The following STX1B variants were observed in gnomAD, a reference collection of about 807,000 sequenced individuals.
STX1B encodes syntaxin 1B, also known as syntaxin-1B.
STX1B carries 7 observed loss-of-function variants against 39.4 expected under a neutral mutation model. That is an observed-to-expected ratio of 0.18 (90% CI 0.10 to 0.33). The LOEUF (loss-of-function observed/expected upper bound fraction) is 0.33. Among genes scored for constraint, STX1B ranks in the 10% least tolerant of loss-of-function variants. The probability of loss-of-function intolerance (pLI) is 1.00; values close to 1 mark genes in which losing one functional copy is unlikely to be tolerated. For synonymous variants in STX1B, 136 were observed against 144.1 expected (o/e 0.94, Z 0.40); for missense variants, 198 against 383.2 (o/e 0.52, Z 4.04).
chr16:31,010,247 G>A lies in STX1B; in HGVS notation c.30+120C>T, dbSNP rs1433944612. 9 of 763,806 alleles carry A rather than the reference G, an allele frequency of 1.2e-5. No homozygotes were observed. In the African/African-American group the frequency reaches 1.5e-4, roughly 12 times the overall value. 47.3% of individuals were successfully genotyped at this position (763,806 alleles called of 1,614,324 possible). A position where few individuals can be genotyped will look rare whatever the true frequency, so the allele number is the denominator to read the frequency against. ...GCGCCTGAAGATACTGGGGTGCTCCGGCTACCAACCTCCGATCTCATCCTT... is the reference window on the plus strand; with the variant it reads ...GCGCCTGAAGATACTGGGGTGCTCCAGCTACCAACCTCCGATCTCATCCTT... On this transcript the variant is annotated intron_variant, in intron 1 of 9. Transcript: ENST00000215095.
intron 1 of STX1B, among the ~76,000 whole-genome samples, chr16:31,007,185 G>A (rs866037948): frequency 7.9e-5 from 12 of 152,108 alleles, no homozygotes; most frequent in Admixed American, 1.3e-4. Flanking sequence ...CCCAGGGTTC[G>A]TTGGTCTCTG....
At chr16:31,009,570 G>C (rs2056670762) in intron 1 of STX1B, among the ~76,000 whole-genome samples, 1 of 151,882 alleles carries the variant, frequency 6.6e-6, no homozygotes, top group Non-Finnish European at 1.5e-5. Flanking sequence ...AGTTCCTCCA[G>C]GTAGCAGCCT....
rs2056551263 is a variant in STX1B at position 30,990,764 on chromosome 16, A to G, written c.*2057T>C. 6.6e-6 allele frequency: 1 copy of G among 152,248 alleles called. No individual in the cohort carries two copies. Among genetic ancestry groups the G allele is most frequent in the Non-Finnish European group, 1.5e-5 (1 of 68,074 alleles). 9.4% of individuals were successfully genotyped at this position (152,248 alleles called of 1,614,324 possible). ...ACCACCTACCTGCCACCAAACCCACAAATTGTGCCTGTGCTGGCTACACAA... is the reference window on the plus strand; with the variant it reads ...ACCACCTACCTGCCACCAAACCCACGAATTGTGCCTGTGCTGGCTACACAA... On this transcript the variant is annotated 3_prime_UTR_variant, in exon 10 of 10. Coordinates refer to ENST00000215095, the MANE Select transcript of STX1B (RefSeq NM_052874.5).
At chr16:30,997,080 C>T in intron 5 of STX1B, 21 bp from the exon 6 acceptor site, 1 of 1,540,802 alleles carries the variant, frequency 6.5e-7, no homozygotes, top group Non-Finnish European at 9.0e-7. Context: ...GGTGGGGGGA[C>T]AGACGGATCA....
At chr16:31,006,981 C>G (rs1335107454) in intron 1 of STX1B, among the ~76,000 whole-genome samples, 1 of 152,058 alleles carries the variant, frequency 6.6e-6, no homozygotes, top group Non-Finnish European at 1.5e-5. Context: ...CATGGTGGTG[C>G]GCATCTGTAA....
At chr16:30,998,768 A>G (rs938283778) in intron 4 of STX1B, among the ~76,000 whole-genome samples, 1 of 152,280 alleles carries the variant, frequency 6.6e-6, no homozygotes, top group Admixed American at 6.5e-5. Flanking sequence ...TTCTTGGTCT[A>G]TTCCTGAACC....
chr16:30,992,775 C>T lies in STX1B; in HGVS notation c.*46G>A, dbSNP rs754338052. 39 of 1,128,422 alleles carry T rather than the reference C, an allele frequency of 3.5e-5. No homozygotes were observed. In the Admixed American group the frequency reaches 4.1e-4, roughly 12 times the overall value. The allele number at this position is 1,128,422 out of a possible 1,614,324, so 69.9% of individuals were successfully genotyped here. Reference sequence around the variant, plus strand: ...AAAGGGGTGGTGGGGGTATTGCTCCCGATGTGGTGGGGGAAGGGTCTGGGA... The same window carrying T: ...AAAGGGGTGGTGGGGGTATTGCTCCTGATGTGGTGGGGGAAGGGTCTGGGA... On this transcript the variant is annotated 3_prime_UTR_variant, in exon 10 of 10. Transcript: ENST00000215095.
rs1326414135 is a variant in STX1B at position 30,992,760 on chromosome 16, T to TG, written c.*60dup. The TG allele has an allele frequency of 1.9e-5, 13 of 671,086 alleles. No individual in the cohort carries two copies. The highest frequency in any genetic ancestry group is 4.6e-4 in the Middle Eastern group (1 of 2,178). The allele number at this position is 671,086 out of a possible 1,614,324, so 41.6% of individuals were successfully genotyped here. A position where few individuals can be genotyped will look rare whatever the true frequency, so the allele number is the denominator to read the frequency against. On this transcript the variant is annotated 3_prime_UTR_variant, in exon 10 of 10. Coordinates refer to ENST00000215095, the MANE Select transcript of STX1B (RefSeq NM_052874.5). The stretch of plus-strand genomic sequence containing the variant: ...GCAGGGGATGGAGTGAAAGGGGTGG[T>TG]GGGGGTATTGCTCCCGATGTGGTGG...
rs1221611483 is a variant in STX1B at position 30,990,140 on chromosome 16, G to C, written c.*2681C>G. 1 of 152,264 alleles carries C rather than the reference G, an allele frequency of 6.6e-6. No individual in the cohort carries two copies. Among genetic ancestry groups the C allele is most frequent in the Non-Finnish European group, 1.5e-5 (1 of 68,092 alleles). The allele number at this position is 152,264 out of a possible 1,614,324, so 9.4% of individuals were successfully genotyped here. On this transcript the variant is annotated 3_prime_UTR_variant, in exon 10 of 10. Transcript: ENST00000215095. The stretch of plus-strand genomic sequence containing the variant: ...GGGCCCAATGCCACTCCAGGTGGGG[G>C]GAGTGGTGCCCCAGCCACGCTTCAA...
chr16:31,001,529 C>G lies in STX1B; in HGVS notation c.105G>C (p.Gln35His). 3.1e-6 allele frequency: 5 copies of G among 1,609,486 alleles called. No homozygotes were observed. Among genetic ancestry groups the G allele is most frequent in the Non-Finnish European group, 4.2e-6 (5 of 1,178,436 alleles). Reference protein sequence around the residue: ...RDHFMDEFFEQVEEIRGCIEK... With the variant: ...RDHFMDEFFEHVEEIRGCIEK... The stretch of plus-strand genomic sequence containing the variant: ...GCTGGGGGCCTTGGAGGCCCATTAC[C>G]TGTTCAAAGAACTCATCCATGAAGT... The change falls in exon 2 of 10, where the codon CAG becomes CAC. Residue 35 changes from glutamine to histidine, a missense_variant and splice_region_variant. Physicochemically the swap from Gln to His is conservative, Grantham distance 24. Transcript: ENST00000215095. This position sits in a 1 kb window ranked among gnomAD's most constrained non-coding sequence, Gnocchi z 5.5.
At chr16:31,010,172 C>T (rs2056673701) in intron 1 of STX1B, among the ~76,000 whole-genome samples, 195 bp downstream of exon 1, 1 of 152,122 alleles carries the variant, frequency 6.6e-6, no homozygotes, top group Admixed American at 6.5e-5. Flanking sequence ...TGGCCTCCAA[C>T]CCCTTCCAGG....
At chr16:30,996,865 G>A (rs2056595290) in intron 6 of STX1B, 86 bp downstream of exon 6, 1 of 1,570,816 alleles carries the variant, frequency 6.4e-7, no homozygotes, top group Non-Finnish European at 8.7e-7. Flanking sequence ...CCTTAAGCCA[G>A]GGGCCCCCTC....
chr16:31,002,393 C>G (rs1264718778), intron 1 of STX1B, among the ~76,000 whole-genome samples: 4 of 152,194 alleles, frequency 2.6e-5, no homozygotes, highest in African/African-American at 9.7e-5. Flanking sequence ...AGACTCGAGA[C>G]ACAGACAGAA....
Position 30,992,367 on chromosome 16 carries a change from T to C in STX1B, c.*454A>G, listed in dbSNP as rs936489960. 3.2e-5 allele frequency: 5 copies of C among 158,516 alleles called. No individual in the cohort carries two copies. The highest frequency in any genetic ancestry group is 5.5e-5 in the Non-Finnish European group (4 of 72,750). 9.8% of individuals were successfully genotyped at this position (158,516 alleles called of 1,614,324 possible). On this transcript the variant is annotated 3_prime_UTR_variant, in exon 10 of 10. Coordinates refer to ENST00000215095, the MANE Select transcript of STX1B (RefSeq NM_052874.5). Reference sequence around the variant, plus strand: ...AAATGGTGTGTCCACAGATCTGTGGTCTCACGCACGCACACACACTGTTCA... The same window carrying C: ...AAATGGTGTGTCCACAGATCTGTGGCCTCACGCACGCACACACACTGTTCA...
intron 4 of STX1B, among the ~76,000 whole-genome samples, chr16:30,999,866 A>G (rs1216099209): frequency 6.6e-6 from 1 of 152,192 alleles, no homozygotes; most frequent in African/African-American, 2.4e-5. Flanking sequence ...CCTATCATAT[A>G]TCTTTCTCCA....
chr16:30,994,980 T>C (rs922920638), intron 7 of STX1B, among the ~76,000 whole-genome samples: 1 of 144,238 alleles, frequency 6.9e-6, no homozygotes, highest in South Asian at 2.2e-4. Context: ...GGTGCTATCA[T>C]AGCTCACTGC....
At position 30,992,814 on chromosome 16, in the gene STX1B, G is replaced by T. The variant is rs748011467; in HGVS notation, c.*7C>A. ...AAGGGTCTGGGAGAGAGAAGGGTGG[G>T]GGGGGCCTACAAGCCCAGCGTCCCC... On this transcript the variant is annotated 3_prime_UTR_variant, in exon 10 of 10. Transcript: ENST00000215095. 2 of 1,597,406 alleles carry T rather than the reference G, an allele frequency of 1.3e-6. No individual in the cohort carries two copies. The highest frequency in any genetic ancestry group is 3.3e-5 in the Admixed American group (2 of 59,762).
rs569007830 is a variant in STX1B at position 31,002,505 on chromosome 16, A to G, written c.31-902T>C. On this transcript the variant is annotated intron_variant, in intron 1 of 9. Coordinates refer to ENST00000215095, the MANE Select transcript of STX1B (RefSeq NM_052874.5). ...GCACGCAGACTCACAGCTGAGCCGCACTGACATGTGTGGACACACTGGCTT... is the reference window on the plus strand; with the variant it reads ...GCACGCAGACTCACAGCTGAGCCGCGCTGACATGTGTGGACACACTGGCTT... Among the ~76,000 whole-genome samples, 18 of 152,248 alleles carry G rather than the reference A, an allele frequency of 1.2e-4. No homozygotes were observed. In the East Asian group the frequency reaches 3.5e-3, roughly 29 times the overall value.
At chr16:30,992,942 A>T in intron 9 of STX1B, 41 bp from the exon 10 acceptor site, 1 of 1,543,044 alleles carries the variant, frequency 6.5e-7, no homozygotes, top group Non-Finnish European at 9.0e-7. Flanking sequence ...ACAGTGAGAG[A>T]GATCGACACA....
Sources: gnomAD v4.1 joint callset for allele counts (sites outside exome capture counted in the v4.1 genomes callset) on GRCh38, gnomAD v4.1.1 for gene constraint, Gnocchi (gnomAD v3.1) non-coding constraint, MANE v1.5 for transcripts, NCBI Gene and HGNC (gene_info 2026-07-23, HGNC 2026-07-21) for gene names.